Variants in GPRIN3 observed in about 807,000 individuals in gnomAD.
GPRIN3 encodes the protein G protein-regulated inducer of neurite outgrowth 3.
A neutral mutation model predicts 13.7 loss-of-function variants in GPRIN3; 12 were observed. The ratio of observed to expected loss-of-function variants is 0.87; its 90% CI spans 0.56 to 1.42. The LOEUF is 1.42. GPRIN3 is among the 40% of genes most tolerant of loss of function. GPRIN3 has a pLI of 0.00. For missense variants in GPRIN3, 1,009 were observed against 958.7 expected (o/e 1.05, Z -0.69); for synonymous variants, 377 against 372.7 (o/e 1.01, Z -0.13).
chr4:89,279,523 C>T (rs1212301253), intron 1 of GPRIN3, among the ~76,000 whole-genome samples: 5 of 152,216 alleles, frequency 3.3e-5, no homozygotes, highest in African/African-American at 1.2e-4. Context: ...CCCCACACTC[C>T]CCACTTCTTG....
Position 89,250,047 on chromosome 4 carries a change from C to A in GPRIN3, c.64G>T (p.Glu22Ter), listed in dbSNP as rs1190439698. 1 of 1,614,080 alleles carries A rather than the reference C, an allele frequency of 6.2e-7. No homozygotes were observed. The highest frequency in any genetic ancestry group is 1.3e-5 in the African/African-American group (1 of 74,938). Reference sequence around the variant, plus strand: ...GCCTGTGGCTCTCCTAGATCGTCTTCTTTTCCGGAAGCTGCAATCAGGGAA... The same window carrying A: ...GCCTGTGGCTCTCCTAGATCGTCTTATTTTCCGGAAGCTGCAATCAGGGAA... ...KTSLIAASGK[E>*]DDLGEPQAAS... The change falls in exon 2 of 2, where the codon GAA becomes TAA. Residue 22 changes from glutamate (E) to a stop codon, truncating the protein, a stop_gained. Transcript: ENST00000609438. LOFTEE classifies it low-confidence loss of function (END_TRUNC).
rs1449167959 is a variant in GPRIN3 at position 89,242,065 on chromosome 4, T to A, written c.*5715A>T. The A allele has an allele frequency of 6.6e-6, 1 of 152,226 alleles. No individual in the cohort carries two copies. The highest frequency in any genetic ancestry group is 1.5e-5 in the Non-Finnish European group (1 of 68,036). 9.4% of individuals were successfully genotyped at this position (152,226 alleles called of 1,614,324 possible). On this transcript the variant is annotated 3_prime_UTR_variant, in exon 2 of 2. Coordinates refer to ENST00000609438, the MANE Select transcript of GPRIN3 (RefSeq NM_198281.3). ...CCCATTTAATTCTTTCTAACATCATTAAATCACTGGGGTATCTCATCATAA... is the reference window on the plus strand; with the variant it reads ...CCCATTTAATTCTTTCTAACATCATAAAATCACTGGGGTATCTCATCATAA...
At chr4:89,253,410 G>T (rs1488241386) in intron 1 of GPRIN3, among the ~76,000 whole-genome samples, 6 of 152,180 alleles carry the variant, frequency 3.9e-5, no homozygotes, top group Non-Finnish European at 8.8e-5. Flanking sequence ...TGTAACCCAG[G>T]TTTAGATAAC....
At chr4:89,303,328 C>T (rs1177385611) in intron 1 of GPRIN3, among the ~76,000 whole-genome samples, 3 of 152,268 alleles carry the variant, frequency 2.0e-5, no homozygotes, top group South Asian at 2.1e-4. Flanking sequence ...TCTGTGCCAA[C>T]GACTGTAGTT....
chr4:89,306,897 C>A (rs1725048116), intron 1 of GPRIN3, among the ~76,000 whole-genome samples: 1 of 152,080 alleles, frequency 6.6e-6, no homozygotes, highest in African/African-American at 2.4e-5. Flanking sequence ...TCCATTATTG[C>A]GTCTGAAATG....
intron 1 of GPRIN3, among the ~76,000 whole-genome samples, chr4:89,305,880 C>T (rs1312524979): frequency 6.6e-6 from 1 of 152,196 alleles, no homozygotes. Context: ...CCTCTACTTC[C>T]CATGTGAAGC....
chr4:89,258,039 T>C (rs922734648), intron 1 of GPRIN3, among the ~76,000 whole-genome samples: 4 of 151,318 alleles, frequency 2.6e-5, no homozygotes, highest in Non-Finnish European at 5.9e-5. Flanking sequence ...GGAGGGAAAA[T>C]TCTTTTTCCT....
rs1279776252 is a variant in GPRIN3, at chr4:89,239,390, A to G, written c.*8390T>C. ...ACATAAATTTATCTTTGAAGCAACC[A>G]TAAGTATTGACAAACATCAAGATTT... is the stretch of plus-strand genomic sequence containing the variant. On this transcript the variant is annotated 3_prime_UTR_variant, in exon 2 of 2. Coordinates refer to ENST00000609438, the MANE Select transcript of GPRIN3 (RefSeq NM_198281.3). 1 of 152,206 alleles carries G rather than the reference A, an allele frequency of 6.6e-6. No homozygotes were observed. Among genetic ancestry groups the G allele is most frequent in the East Asian group, 1.9e-4 (1 of 5,190 alleles). 9.4% of individuals were successfully genotyped at this position (152,206 alleles called of 1,614,324 possible).
intron 1 of GPRIN3, among the ~76,000 whole-genome samples, chr4:89,297,587 A>C (rs1027316605): frequency 6.6e-6 from 1 of 152,176 alleles, no homozygotes; most frequent in African/African-American, 2.4e-5. Context: ...CCTCCCAGTC[A>C]GGGCAAATAC....
At chr4:89,270,285 G>A (rs752322806) in intron 1 of GPRIN3, among the ~76,000 whole-genome samples, 2 of 151,498 alleles carry the variant, frequency 1.3e-5, no homozygotes, top group East Asian at 1.9e-4. Context: ...AAAACCTGGC[G>A]ACTAAGTAAG....
chr4:89,278,562 A>G (rs1380005181), intron 1 of GPRIN3, among the ~76,000 whole-genome samples: 1 of 152,254 alleles, frequency 6.6e-6, no homozygotes, highest in Non-Finnish European at 1.5e-5. Flanking sequence ...GAAGCAAATG[A>G]TCCTGGCTAG....
intron 1 of GPRIN3, among the ~76,000 whole-genome samples, chr4:89,279,464 T>C (rs550476234): frequency 6.6e-6 from 1 of 152,324 alleles, no homozygotes; most frequent in East Asian, 1.9e-4. Flanking sequence ...GACTTACATA[T>C]AGCTCTGCTT....
chr4:89,306,058 G>GC (rs1725025278), intron 1 of GPRIN3, among the ~76,000 whole-genome samples: 1 of 149,130 alleles, frequency 6.7e-6, no homozygotes, highest in African/African-American at 2.5e-5. Flanking sequence ...TGCAATTGCT[G>GC]TTTTTTTTTT....
chr4:89,298,830 C>G (rs772281608), intron 1 of GPRIN3, among the ~76,000 whole-genome samples: 1 of 152,026 alleles, frequency 6.6e-6, no homozygotes, highest in Non-Finnish European at 1.5e-5. Flanking sequence ...AGCTTTGATT[C>G]AATTTGCAAA....
intron 1 of GPRIN3, among the ~76,000 whole-genome samples, chr4:89,259,584 A>G (rs912375425): frequency 5.9e-5 from 9 of 152,136 alleles, no homozygotes; most frequent in Non-Finnish European, 1.0e-4. Context: ...TTTCTACAGG[A>G]TATATTTAGC....
chr4:89,281,059 G>C (rs185163684), intron 1 of GPRIN3, among the ~76,000 whole-genome samples: 36 of 152,010 alleles, frequency 2.4e-4, no homozygotes, highest in Non-Finnish European at 3.8e-4. Context: ...GAAGGTGAAG[G>C]GGGGGGATAA....
Position 89,250,160 on chromosome 4 carries a change from C to G in GPRIN3, c.-50G>C. On this transcript the variant is annotated 5_prime_UTR_variant, in exon 2 of 2. Coordinates refer to ENST00000609438, the MANE Select transcript of GPRIN3 (RefSeq NM_198281.3). Reference sequence around the variant, plus strand: ...AGAGCTCTCTTGAGTACTGGTCCCACTGGTGGGGGAGGGGAGCGCAGTCAG... The same window carrying G: ...AGAGCTCTCTTGAGTACTGGTCCCAGTGGTGGGGGAGGGGAGCGCAGTCAG... 6.4e-7 allele frequency: 1 copy of G among 1,553,310 alleles called. No homozygotes were observed. The highest frequency in any genetic ancestry group is 8.7e-7 in the Non-Finnish European group (1 of 1,148,622).
intron 1 of GPRIN3, among the ~76,000 whole-genome samples, chr4:89,303,879 T>G (rs1724968692): frequency 1.4e-5 from 2 of 139,338 alleles, no homozygotes. Context: ...CAATGAAATT[T>G]ATTTTTTTAA....
intron 1 of GPRIN3, among the ~76,000 whole-genome samples, chr4:89,303,612 A>G (rs923760921): frequency 8.4e-6 from 1 of 119,088 alleles, no homozygotes; most frequent in Non-Finnish European, 2.0e-5. Flanking sequence ...AGTGATTACC[A>G]GGGTGAAGAT....
Sources: allele counts gnomAD v4.1 joint callset (sites outside exome capture counted in the v4.1 genomes callset), GRCh38; gene constraint gnomAD v4.1.1; transcripts MANE v1.5; gene names NCBI Gene and HGNC (gene_info 2026-07-23, HGNC 2026-07-21).